MIPEP: variants seen among roughly 807,000 people sequenced by gnomAD.
MIPEP encodes mitochondrial intermediate peptidase.
A neutral mutation model predicts 90.3 loss-of-function variants in MIPEP; 79 were observed. The ratio of observed to expected loss-of-function variants is 0.87; its 90% CI spans 0.73 to 1.05. The LOEUF is 1.05. Ranked by LOEUF, MIPEP falls within the 50% of genes least tolerant of loss-of-function variation. The probability of loss-of-function intolerance (pLI) is 0.00; values close to 1 mark genes in which losing one functional copy is unlikely to be tolerated. For missense variants in MIPEP, 940 were observed against 905.6 expected (o/e 1.04, Z -0.49); for synonymous variants, 334 against 315.8 (o/e 1.06, Z -0.61).
At chr13:23,847,697 A>C (rs557416403) in intron 10 of MIPEP, among the ~76,000 whole-genome samples, 4 of 152,296 alleles carry the variant, frequency 2.6e-5, no homozygotes, top group East Asian at 1.9e-4. Context: ...AGTCTCTCCA[A>C]CTGTCACAGA....
At chr13:23,738,645 G>C (rs9510836) in intron 18 of MIPEP, among the ~76,000 whole-genome samples, 1 of 150,528 alleles carries the variant, frequency 6.6e-6, no homozygotes, top group Non-Finnish European at 1.5e-5. Context: ...ATGGGGTTTC[G>C]CCATGTTGTT....
At chr13:23,808,155 G>C (rs1206248390) in intron 15 of MIPEP, among the ~76,000 whole-genome samples, 1 of 151,260 alleles carries the variant, frequency 6.6e-6, no homozygotes. Context: ...CTGGAGTGCA[G>C]TGGCGCGATC....
intron 16 of MIPEP, among the ~76,000 whole-genome samples, chr13:23,781,362 T>C (rs1324072880): frequency 6.6e-6 from 1 of 152,068 alleles, no homozygotes; most frequent in African/African-American, 2.4e-5. Context: ...CTAAGCTTCA[T>C]AAGTGAAGGA....
chr13:23,772,088 A>G (rs1952658461), intron 16 of MIPEP, among the ~76,000 whole-genome samples: 1 of 152,224 alleles, frequency 6.6e-6, no homozygotes, highest in East Asian at 1.9e-4. Context: ...AGAGCTTATT[A>G]ACTGCACATT....
intron 16 of MIPEP, among the ~76,000 whole-genome samples, chr13:23,799,012 T>G (rs531074467): frequency 7.1e-6 from 1 of 140,916 alleles, no homozygotes; most frequent in South Asian, 2.4e-4. Flanking sequence ...TTTTTTTTTT[T>G]TTTTTTTTTT....
At chr13:23,811,767 C>T (rs560720498) in intron 14 of MIPEP, among the ~76,000 whole-genome samples, 60 of 152,298 alleles carry the variant, frequency 3.9e-4, no homozygotes, top group Admixed American at 1.0e-3. Context: ...CACCTCCCAA[C>T]CAGAAACAGA....
At position 23,849,226 on chromosome 13, in the gene MIPEP, T is replaced by G. The variant is rs116845535; in HGVS notation, c.1107-7738A>C. ...CATAGATGCTACACATAAGAACATT[T>G]TCCTCTCTCATCTAGAGACCCAAGA... is the stretch of plus-strand genomic sequence containing the variant. On this transcript the variant is annotated intron_variant, in intron 10 of 18. Transcript: ENST00000382172. Among the ~76,000 whole-genome samples the G allele has an allele frequency of 2.6e-3, 393 of 152,310 alleles. 1 individual carries two copies. Among genetic ancestry groups the G allele is most frequent in the Non-Finnish European group, 3.4e-3 (228 of 68,018 alleles).
intron 17 of MIPEP, among the ~76,000 whole-genome samples, 187 bp downstream of exon 17, chr13:23,759,909 G>C (rs974648823): frequency 1.9e-4 from 29 of 152,296 alleles, no homozygotes; most frequent in Non-Finnish European, 3.4e-4. Context: ...CCGGTCAGCT[G>C]CGGGAAGCAG....
intron 14 of MIPEP, among the ~76,000 whole-genome samples, chr13:23,818,771 G>T (rs1039394715): frequency 8.5e-5 from 13 of 152,196 alleles, no homozygotes; most frequent in Admixed American, 4.6e-4. Flanking sequence ...TATGTATGGA[G>T]AAATCTTTAA....
intron 16 of MIPEP, among the ~76,000 whole-genome samples, chr13:23,779,574 T>C (rs1565991296): frequency 1.3e-5 from 2 of 151,988 alleles, no homozygotes; most frequent in Middle Eastern, 3.2e-3. Context: ...ACTGAGGTAC[T>C]AGGATCATCT....
intron 16 of MIPEP, among the ~76,000 whole-genome samples, chr13:23,804,137 T>C (rs1953079475): frequency 1.3e-5 from 2 of 152,372 alleles, no homozygotes; most frequent in African/African-American, 2.4e-5. Flanking sequence ...CATATTTGTA[T>C]GTTAAATGAT....
intron 16 of MIPEP, among the ~76,000 whole-genome samples, chr13:23,773,402 T>C (rs1952675075): frequency 6.6e-6 from 1 of 152,236 alleles, no homozygotes; most frequent in Non-Finnish European, 1.5e-5. Flanking sequence ...TCATGAATAA[T>C]GCTGTTATGT....
chr13:23,839,668 C>A lies in MIPEP; in HGVS notation c.1319G>T (p.Arg440Leu). Residue 440 changes from arginine to leucine, a missense_variant, in exon 12 of 19, where the codon CGA becomes CTA. By Grantham distance (102) the Arg-to-Leu change is moderately radical. Transcript: ENST00000382172. ...GATCACCTGATGTGGTTTGTCTGCT[C>A]GCTGAAAAAAATCACAGTAAATGTA... ...LGYIYCDFFQRADKPHQDCHF... is the reference protein window; with the variant it reads ...LGYIYCDFFQLADKPHQDCHF... 6.2e-7 allele frequency: 1 copy of A among 1,612,652 alleles called. No homozygotes were observed. The highest frequency in any genetic ancestry group is 1.1e-5 in the South Asian group (1 of 90,768).
Position 23,831,630 on chromosome 13 carries a change from G to T in MIPEP, c.1653+4610C>A, listed in dbSNP as rs1344879827. 2.6e-5 allele frequency among the ~76,000 whole-genome samples: 4 copies of T among 152,062 alleles called. No homozygotes were observed. The East Asian group carries it at 7.7e-4, about 29-fold the overall frequency. ...AGAGCAAAATACAAGAGGCAACCTC[G>T]CTTCATAACAACCTGCTCTCGTGGG... On this transcript the variant is annotated intron_variant, in intron 14 of 18. Transcript: ENST00000382172.
intron 14 of MIPEP, among the ~76,000 whole-genome samples, chr13:23,823,485 G>A (rs1051178829): frequency 6.6e-6 from 1 of 152,138 alleles, no homozygotes; most frequent in Non-Finnish European, 1.5e-5. Context: ...ACAGTCCTAC[G>A]TTATGACTGC....
intron 16 of MIPEP, among the ~76,000 whole-genome samples, chr13:23,799,578 G>A (rs925256532): frequency 5.9e-5 from 9 of 152,108 alleles, no homozygotes; most frequent in African/African-American, 7.2e-5. Flanking sequence ...CGCCCGCCTC[G>A]GCCTCCCAAA....
At position 23,870,161 on chromosome 13, in the gene MIPEP, A is replaced by C. The variant is rs1431824746; in HGVS notation, c.638T>G (p.Leu213Trp). Reference protein sequence around the residue: ...KRAVDLNVKILDLSSTFLMGT... With the variant: ...KRAVDLNVKIWDLSSTFLMGT... The stretch of plus-strand genomic sequence containing the variant: ...CATAAGAAATGTACTACTCAAATCC[A>C]AGATTTTAACATTGAGGTCCACTGC... Residue 213 changes from leucine to tryptophan, a missense_variant, in exon 6 of 19, where the codon TTG (leucine) becomes TGG (tryptophan). Coordinates refer to ENST00000382172, the MANE Select transcript of MIPEP (RefSeq NM_005932.4). The C allele has an allele frequency of 6.2e-7, 1 of 1,607,650 alleles. No individual in the cohort carries two copies. Among genetic ancestry groups the C allele is most frequent in the Admixed American group, 1.7e-5 (1 of 58,934 alleles).
At chr13:23,759,881 G>A (rs1952521828) in intron 17 of MIPEP, among the ~76,000 whole-genome samples, 1 of 152,178 alleles carries the variant, frequency 6.6e-6, no homozygotes, top group Admixed American at 6.5e-5. Context: ...CTGCAGGGTA[G>A]GGGGATGTCC....
intron 10 of MIPEP, 55 bp downstream of exon 10, chr13:23,858,805 T>C: frequency 6.7e-7 from 1 of 1,496,440 alleles, no homozygotes; most frequent in Non-Finnish European, 9.3e-7. Flanking sequence ...AGCTGCTGAA[T>C]AAACATTAGT....
Sources: allele counts gnomAD v4.1 joint callset (sites outside exome capture counted in the v4.1 genomes callset), GRCh38; gene constraint gnomAD v4.1.1; transcripts MANE v1.5; gene names NCBI Gene and HGNC (gene_info 2026-07-23, HGNC 2026-07-21).